Variants in TOP2A observed in about 807,000 individuals in gnomAD.
TOP2A encodes the protein DNA topoisomerase II alpha.
In TOP2A, 68 loss-of-function variants were observed where a neutral mutation model predicts 187.2. The ratio of observed to expected loss-of-function variants is 0.36; its 90% CI spans 0.30 to 0.44. TOP2A has a LOEUF of 0.44. Ranked by LOEUF, TOP2A falls within the 20% of genes least tolerant of loss-of-function variation. The pLI is 1.00. For synonymous variants in TOP2A, 542 were observed against 593.2 expected (o/e 0.91, Z 1.25); for missense variants, 1,196 against 1,808.7 (o/e 0.66, Z 6.14).
At position 40,395,472 on chromosome 17, in the gene TOP2A, T is replaced by A. The variant is rs1178192767; in HGVS notation, c.3788A>T (p.Glu1263Val). Residue 1263 changes from glutamate (E) to valine (V), a missense_variant, in exon 29 of 35, where the codon GAA becomes GTA. Glu to Val is a moderately radical substitution (Grantham distance 121). Transcript: ENST00000423485. ...VELEGLKQRL[E>V]KKQKREPGTK... ...ACCTGGTTCTCTTTTCTGTTTCTTT[T>A]CTAATCTTTGTTTTAGGCCTTCTAG... The A allele has an allele frequency of 6.2e-7, 1 of 1,610,326 alleles. No individual in the cohort carries two copies. Among genetic ancestry groups the A allele is most frequent in the African/African-American group, 1.3e-5 (1 of 74,826 alleles).
intron 27 of TOP2A, among the ~76,000 whole-genome samples, chr17:40,397,446 C>G (rs2143638537): frequency 6.6e-6 from 1 of 151,926 alleles, no homozygotes; most frequent in East Asian, 1.9e-4. Flanking sequence ...CCACCACACC[C>G]AACTAATTTT....
intron 4 of TOP2A, among the ~76,000 whole-genome samples, chr17:40,414,339 A>G (rs566798666): frequency 4.9e-4 from 75 of 152,268 alleles, no homozygotes; most frequent in Non-Finnish European, 7.5e-4. Flanking sequence ...CTGGGACTAC[A>G]GGTGTCCATC....
chr17:40,413,680 C>T, intron 4 of TOP2A, 55 bp from the exon 5 acceptor site: 1 of 886,234 alleles, frequency 1.1e-6, no homozygotes, highest in Non-Finnish European at 1.6e-6. Flanking sequence ...GAATGCTTAA[C>T]ATTTAAAAAT....
chr17:40,414,232 C>G (rs1296085013), intron 4 of TOP2A, among the ~76,000 whole-genome samples: 1 of 152,176 alleles, frequency 6.6e-6, no homozygotes, highest in Non-Finnish European at 1.5e-5. Context: ...GCATCTCGCT[C>G]TGTCACCCAG....
rs760779492 is a variant in TOP2A at position 40,411,591 on chromosome 17, A to G, written c.963+54T>C. 12 of 1,574,020 alleles carry G rather than the reference A, an allele frequency of 7.6e-6. No individual in the cohort carries two copies. The highest frequency in any genetic ancestry group is 1.0e-5 in the Non-Finnish European group (12 of 1,150,976). On this transcript the variant is annotated intron_variant, in intron 8 of 34. Transcript: ENST00000423485. This position sits in a 1 kb window ranked among gnomAD's most constrained non-coding sequence, Gnocchi z 4.4. ...TCCACTTTATATATTAAAAACAATA[A>G]GAACACATATATGTAAAGATAAATC...
chr17:40,395,720 A>T (rs1245212723), intron 28 of TOP2A, among the ~76,000 whole-genome samples, 181 bp from the exon 29 acceptor site: 3 of 151,966 alleles, frequency 2.0e-5, no homozygotes, highest in Non-Finnish European at 4.4e-5. Flanking sequence ...AGATGGTGAA[A>T]CCCCATCTCT....
At chr17:40,399,378 G>C (rs1453021147) in intron 24 of TOP2A, 2 of 446,430 alleles carry the variant, frequency 4.5e-6, no homozygotes, top group Non-Finnish European at 8.1e-6. Flanking sequence ...TCTCACTCTT[G>C]TGTCCAGGCT....
In TOP2A at chr17:40,411,285, T is replaced by C. The variant is rs944054009; in HGVS notation, c.1066-39A>G. Reference sequence around the variant, plus strand: ...TGATATTAAGCCACTAAAAATGTACTCATGCTTTATTTATAGCCTTTCTCT... The same window carrying C: ...TGATATTAAGCCACTAAAAATGTACCCATGCTTTATTTATAGCCTTTCTCT... On this transcript the variant is annotated intron_variant, in intron 9 of 34. Transcript: ENST00000423485. The surrounding 1 kb of genome is among the most constrained non-coding windows in gnomAD (Gnocchi z 4.4). 8 of 1,612,178 alleles carry C rather than the reference T, an allele frequency of 5.0e-6. No homozygotes were observed. In the Admixed American group the frequency reaches 1.3e-4, roughly 27 times the overall value.
Position 40,412,861 on chromosome 17 carries a change from T to C in TOP2A, c.687A>G (p.Gln229=), listed in dbSNP as rs1183132756. The C allele has an allele frequency of 6.2e-7, 1 of 1,613,956 alleles. No homozygotes were observed. The highest frequency in any genetic ancestry group is 8.5e-7 in the Non-Finnish European group (1 of 1,179,858). The part of the protein sequence containing the change: ...FQPDLSKFKM[Q]SLDKDIVALM... ...GTGCAACAATATCTTTGTCCAGGCT[T>C]TGCATTTTAAACTTAGACAAATCAG... Residue 229 remains glutamine, a synonymous_variant, in exon 7 of 35, where the codon CAA becomes CAG. Coordinates refer to ENST00000423485, the MANE Select transcript of TOP2A (RefSeq NM_001067.4).
intron 28 of TOP2A, among the ~76,000 whole-genome samples, chr17:40,396,047 T>C (rs568057619): frequency 1.6e-4 from 24 of 151,920 alleles, no homozygotes; most frequent in South Asian, 6.3e-4. Context: ...TGGTGTGACC[T>C]TGGCTCACTG....
Position 40,411,046 on chromosome 17 carries a change from C to T in TOP2A, c.1203+63G>A. The T allele has an allele frequency of 2.7e-6, 4 of 1,460,528 alleles. No individual in the cohort carries two copies. The African/African-American group carries it at 4.3e-5, about 16-fold the overall frequency. 90.5% of individuals were successfully genotyped at this position (1,460,528 alleles called of 1,614,324 possible). ...GAGAAGAATCATTGTTTCTGCAGAG[C>T]TAAGAAGTGCAATGGAAAATAAAGT... On this transcript the variant is annotated intron_variant, in intron 10 of 34. Transcript: ENST00000423485. The surrounding 1 kb of genome is among the most constrained non-coding windows in gnomAD (Gnocchi z 4.4).
rs759548424 is a variant in TOP2A, at chr17:40,401,100, G to A, written c.2433-19C>T. Reference sequence around the variant, plus strand: ...CAAAGAGCTAAAGAAAAGAAACAAAGAATGTTATTTTACAAAAATACTGAA... The same window carrying A: ...CAAAGAGCTAAAGAAAAGAAACAAAAAATGTTATTTTACAAAAATACTGAA... On this transcript the variant is annotated intron_variant, in intron 20 of 34. Transcript: ENST00000423485. 4.4e-6 allele frequency: 7 copies of A among 1,593,906 alleles called. No homozygotes were observed. The highest frequency in any genetic ancestry group is 6.0e-6 in the Non-Finnish European group (7 of 1,165,652).
chr17:40,400,897 C>T lies in TOP2A; in HGVS notation c.2617G>A (p.Val873Ile), dbSNP rs773937207. ...KIPNFDVREI[V>I]NNIRRLMDGE... is the part of the protein sequence containing the mutation. Reference sequence around the variant, plus strand: ...TCCATCAAACGCCTGATGTTATTTACAATTTCACGCACATCAAAGTTGGGG... The same window carrying T: ...TCCATCAAACGCCTGATGTTATTTATAATTTCACGCACATCAAAGTTGGGG... The change falls in exon 21 of 35, where the codon GTA becomes ATA. Residue 873 changes from valine to isoleucine, a missense_variant. By Grantham distance (29) the Val-to-Ile change is conservative. Transcript: ENST00000423485. The T allele has an allele frequency of 1.2e-6, 2 of 1,613,980 alleles. No individual in the cohort carries two copies. The highest frequency in any genetic ancestry group is 8.5e-7 in the Non-Finnish European group (1 of 1,179,902).
rs2035083669 is a variant in TOP2A, at chr17:40,395,490, C to G, written c.3770G>C (p.Gly1257Ala). 2.5e-6 allele frequency: 4 copies of G among 1,611,842 alleles called. No homozygotes were observed. The highest frequency in any genetic ancestry group is 2.7e-5 in the African/African-American group (2 of 74,776). ...SPQEDGVELE[G>A]LKQRLEKKQK... The stretch of plus-strand genomic sequence containing the variant: ...TTTCTTTTCTAATCTTTGTTTTAGG[C>G]CTTCTAGTTCCACACCATCTTCTTG... The change falls in exon 29 of 35, where the codon GGC (glycine) becomes GCC (alanine). Residue 1257 changes from glycine (G) to alanine (A), a missense_variant. Gly to Ala is a moderately conservative substitution (Grantham distance 60). This residue lies in a region of TOP2A where 374 missense variants were observed against 403.3 expected (regional missense o/e 0.93). Coordinates refer to ENST00000423485, the MANE Select transcript of TOP2A (RefSeq NM_001067.4).
rs759886064 is a variant in TOP2A, at chr17:40,411,631, A to C, written c.963+14T>G. On this transcript the variant is annotated intron_variant, in intron 8 of 34. Transcript: ENST00000423485. This position sits in a 1 kb window ranked among gnomAD's most constrained non-coding sequence, Gnocchi z 4.4. ...AAAGATAAATCATGATTAATAATTTAAGAATAAAATTACCTTGGATGTAGC... is the reference window on the plus strand; with the variant it reads ...AAAGATAAATCATGATTAATAATTTCAGAATAAAATTACCTTGGATGTAGC... The C allele has an allele frequency of 6.2e-7, 1 of 1,602,064 alleles. No homozygotes were observed. Among genetic ancestry groups the C allele is most frequent in the Admixed American group, 1.7e-5 (1 of 57,420 alleles).
rs1039131862 is a variant in TOP2A, at chr17:40,398,580, G to T, written c.3515C>A (p.Ala1172Asp). 7 of 1,585,372 alleles carry T rather than the reference G, an allele frequency of 4.4e-6. No homozygotes were observed. The highest frequency in any genetic ancestry group is 5.2e-6 in the Non-Finnish European group (6 of 1,164,120). ...TACCTCCAATTCTTCAATAAATGTA[G>T]CCAAGTCTTCTTTCCACAAATCTGA... ...SPSDLWKEDLATFIEELEAVE... is the reference protein window; with the variant it reads ...SPSDLWKEDLDTFIEELEAVE... The change falls in exon 27 of 35, where the codon GCT becomes GAT. Residue 1172 changes from alanine (A) to aspartate (D), a missense_variant. Physicochemically the swap from Ala to Asp is moderately radical, Grantham distance 126 (BLOSUM62 -2). This residue lies in a region of TOP2A where 4 missense variants were observed against 22.6 expected (regional missense o/e 0.18). Coordinates refer to ENST00000423485, the MANE Select transcript of TOP2A (RefSeq NM_001067.4).
At position 40,392,637 on chromosome 17, in the gene TOP2A, G is replaced by T; in HGVS notation, c.3912C>A (p.Asp1304Glu). 1 of 1,613,168 alleles carries T rather than the reference G, an allele frequency of 6.2e-7. No homozygotes were observed. Among genetic ancestry groups the T allele is most frequent in the Non-Finnish European group, 8.5e-7 (1 of 1,179,744 alleles). The change falls in exon 30 of 35, where the codon GAC (aspartate) becomes GAA (glutamate). Residue 1304 changes from aspartate (D) to glutamate (E), a missense_variant. Physicochemically the swap from Asp to Glu is conservative, Grantham distance 45 (BLOSUM62 2). Transcript: ENST00000423485. Reference sequence around the variant, plus strand: ...GTGGAGGGACATCAAAATTACTTTCGTCACTGCTCCTATCTGATTCTGAAT... The same window carrying T: ...GTGGAGGGACATCAAAATTACTTTCTTCACTGCTCCTATCTGATTCTGAAT... The part of the protein sequence containing the change: ...WSDSESDRSS[D>E]ESNFDVPPRE...
chr17:40,407,221 AC>A (rs1215588389), intron 13 of TOP2A, among the ~76,000 whole-genome samples: 1 of 152,188 alleles, frequency 6.6e-6, no homozygotes, highest in Non-Finnish European at 1.5e-5. Context: ...CCAAGATTGC[AC>A]CATTGCACTC....
At chr17:40,392,787 C>A in intron 29 of TOP2A, 50 bp from the exon 30 acceptor site, 2 of 1,418,152 alleles carry the variant, frequency 1.4e-6, no homozygotes, top group Non-Finnish European at 1.9e-6. Context: ...ACCCACTTTT[C>A]TCCATCTATC....
Sources: allele counts gnomAD v4.1 joint callset (sites outside exome capture counted in the v4.1 genomes callset), GRCh38; gene constraint gnomAD v4.1.1; regional missense constraint gnomAD v4.1.1; non-coding constraint Gnocchi (gnomAD v3.1); transcripts MANE v1.5; gene names NCBI Gene and HGNC (gene_info 2026-07-23, HGNC 2026-07-21).